Variants in LMX1A observed in about 807,000 individuals in gnomAD.
LMX1A encodes LIM homeobox transcription factor 1 alpha, also known as LIM homeobox transcription factor 1-alpha.
In LMX1A, 15 loss-of-function variants were observed where a neutral mutation model predicts 49.1. The ratio of observed to expected loss-of-function variants is 0.31; its 90% CI spans 0.20 to 0.47. The LOEUF (loss-of-function observed/expected upper bound fraction) is 0.47. LMX1A is among the 20% of genes least tolerant of loss of function. The pLI, the probability that LMX1A is intolerant of heterozygous loss-of-function variation, is 1.00. For missense variants in LMX1A, 372 were observed against 475.8 expected (o/e 0.78, Z 2.03); for synonymous variants, 167 against 185.7 (o/e 0.90, Z 0.82).
chr1:165,250,705 G>T (rs910280572), intron 3 of LMX1A, among the ~76,000 whole-genome samples: 2 of 152,240 alleles, frequency 1.3e-5, no homozygotes, highest in Non-Finnish European at 2.9e-5. Flanking sequence ...TTGAGTTCAG[G>T]CTAATGGAAG....
chr1:165,330,235 A>T (rs1439969947), intron 3 of LMX1A, among the ~76,000 whole-genome samples: 3 of 152,240 alleles, frequency 2.0e-5, no homozygotes, highest in Admixed American at 2.0e-4. Context: ...GCACTTTGGA[A>T]GGCAAAGGCT....
chr1:165,319,213 G>A (rs1004016386), intron 3 of LMX1A, among the ~76,000 whole-genome samples: 24 of 152,160 alleles, frequency 1.6e-4, no homozygotes, highest in African/African-American at 5.1e-4. Flanking sequence ...TACTTAAGAA[G>A]TTCTGTCTTA....
At chr1:165,322,715 G>T (rs1029813722) in intron 3 of LMX1A, among the ~76,000 whole-genome samples, 1 of 152,120 alleles carries the variant, frequency 6.6e-6, no homozygotes, top group Non-Finnish European at 1.5e-5. Context: ...TTCTTTCAGG[G>T]ATGATGGAAA....
intron 3 of LMX1A, among the ~76,000 whole-genome samples, chr1:165,261,272 T>A (rs1653430796): frequency 6.6e-6 from 1 of 152,192 alleles, no homozygotes; most frequent in Admixed American, 6.5e-5. Flanking sequence ...TTCAATTTTT[T>A]AACACTTTTT....
chr1:165,216,821 C>T (rs1288777156), intron 4 of LMX1A, among the ~76,000 whole-genome samples: 4 of 151,996 alleles, frequency 2.6e-5, no homozygotes, highest in Admixed American at 6.5e-5. Flanking sequence ...TGGCCTTTAG[C>T]GTTATATAAA....
At chr1:165,244,137 G>T (rs1453781334) in intron 4 of LMX1A, among the ~76,000 whole-genome samples, 2 of 152,208 alleles carry the variant, frequency 1.3e-5, no homozygotes, top group Non-Finnish European at 2.9e-5. Flanking sequence ...GGGAACTTCT[G>T]GATAGCTGAA....
At chr1:165,235,940 C>A (rs918077254) in intron 4 of LMX1A, among the ~76,000 whole-genome samples, 5 of 152,016 alleles carry the variant, frequency 3.3e-5, no homozygotes, top group Non-Finnish European at 7.4e-5. Context: ...TTCTAAGGGG[C>A]CTTTGAAGAC....
intron 3 of LMX1A, among the ~76,000 whole-genome samples, chr1:165,344,409 G>C (rs1348972538): frequency 6.6e-6 from 1 of 152,168 alleles, no homozygotes; most frequent in African/African-American, 2.4e-5. Flanking sequence ...CAATAGCAGG[G>C]GAGGAAACTC....
At chr1:165,302,077 C>T (rs940028060) in intron 3 of LMX1A, among the ~76,000 whole-genome samples, 13 of 152,208 alleles carry the variant, frequency 8.5e-5, no homozygotes, top group Non-Finnish European at 1.3e-4. Flanking sequence ...CTCAAAACAG[C>T]AGAGACAATA....
Position 165,341,829 on chromosome 1 carries a change from A to T in LMX1A, c.263+11247T>A, listed in dbSNP as rs1225114312. ...TTTTATTCATTTTTACATACCTGACACATACAGGAATTTAATACGAATGTT... is the reference window on the plus strand; with the variant it reads ...TTTTATTCATTTTTACATACCTGACTCATACAGGAATTTAATACGAATGTT... On this transcript the variant is annotated intron_variant, in intron 3 of 8. Transcript: ENST00000342310. 3.3e-5 allele frequency among the ~76,000 whole-genome samples: 5 copies of T among 152,206 alleles called. 1 individual carries two copies. The highest frequency in any genetic ancestry group is 7.3e-5 in the Non-Finnish European group (5 of 68,034).
chr1:165,320,305 G>T (rs188691397), intron 3 of LMX1A, among the ~76,000 whole-genome samples: 19 of 152,306 alleles, frequency 1.2e-4, no homozygotes, highest in Non-Finnish European at 2.1e-4. Context: ...ACCATAGAGA[G>T]CGTGCCACAA....
intron 3 of LMX1A, among the ~76,000 whole-genome samples, chr1:165,265,979 GT>G (rs1653607640): frequency 1.3e-5 from 2 of 152,174 alleles, no homozygotes; most frequent in African/African-American, 4.8e-5. Context: ...TAAATGATTG[GT>G]TATTTAAGGG....
At chr1:165,247,127 T>G (rs1652887692) in intron 4 of LMX1A, among the ~76,000 whole-genome samples, 1 of 145,568 alleles carries the variant, frequency 6.9e-6, no homozygotes, top group South Asian at 2.2e-4. Context: ...TCTTATTGAT[T>G]TTCTAGTGAA....
rs1557850593 is a variant in LMX1A at position 165,213,773 on chromosome 1, A to G, written c.537T>C (p.His179=). 1.2e-6 allele frequency: 2 copies of G among 1,614,136 alleles called. No individual in the cohort carries two copies. Among genetic ancestry groups the G allele is most frequent in the Non-Finnish European group, 1.7e-6 (2 of 1,180,022 alleles). ...CCTCAGCAGTTCCTTTCCCTGCCCC[A>G]TGGGCTGACTTGCAGAGACTTTCTT... ...DDEESLCKSA[H]GAGKGTAEEG... is the part of the protein sequence containing the mutation. Residue 179 remains histidine (H), a synonymous_variant, in exon 5 of 9, where the codon CAT becomes CAC. Transcript: ENST00000342310.
At chr1:165,252,372 C>T (rs1271713605) in intron 3 of LMX1A, among the ~76,000 whole-genome samples, 2 of 152,132 alleles carry the variant, frequency 1.3e-5, no homozygotes, top group South Asian at 2.1e-4. Context: ...TCAGGGCAAC[C>T]TATGAAAAAA....
intron 3 of LMX1A, among the ~76,000 whole-genome samples, chr1:165,325,001 A>G (rs943421066): frequency 6.6e-6 from 1 of 152,212 alleles, no homozygotes; most frequent in Non-Finnish European, 1.5e-5. Flanking sequence ...AGTCTTCCTT[A>G]TGTGAGCTAA....
At chr1:165,256,719 C>T in intron 3 of LMX1A, among the ~76,000 whole-genome samples, 1 of 152,104 alleles carries the variant, frequency 6.6e-6, no homozygotes, top group East Asian at 1.9e-4. Context: ...TTTTATATTT[C>T]AAGCTTTTAT....
intron 3 of LMX1A, among the ~76,000 whole-genome samples, chr1:165,281,746 A>G (rs34735749): frequency 0.028 from 3,480 of 125,766 alleles, 55 homozygotes; most frequent in East Asian, 0.078. Flanking sequence ...GTGTGTGTGT[A>G]TGTGTGTGTG....
intron 3 of LMX1A, among the ~76,000 whole-genome samples, chr1:165,263,511 T>C (rs1287023758): frequency 6.6e-6 from 1 of 152,214 alleles, no homozygotes; most frequent in African/African-American, 2.4e-5. Context: ...CTTCAAAGAA[T>C]AGCCAGGACA....
Sources: gnomAD v4.1 joint callset for allele counts (sites outside exome capture counted in the v4.1 genomes callset) on GRCh38, gnomAD v4.1.1 for gene constraint, MANE v1.5 for transcripts, NCBI Gene and HGNC (gene_info 2026-07-23, HGNC 2026-07-21) for gene names.